The following STARD13 variants were observed in gnomAD, a reference collection of about 807,000 sequenced individuals.
The protein encoded by STARD13 is stAR-related lipid transfer protein 13.
STARD13 carries 62 observed loss-of-function variants against 106.4 expected under a neutral mutation model. That is an observed-to-expected ratio of 0.58 (90% CI 0.48 to 0.72). The LOEUF is 0.72. STARD13 is among the 30% of genes least tolerant of loss of function. The pLI is 0.00. For synonymous variants in STARD13, 565 were observed against 553.0 expected, an observed-to-expected ratio of 1.02 and a Z score of -0.31; for missense variants, 1,387 against 1,424.0, an observed-to-expected ratio of 0.97 and a Z score of 0.42.
At chr13:33,482,562 C>T in the STARD13 span, among the ~76,000 whole-genome samples, 4 of 151,708 alleles carry the variant, frequency 2.6e-5, no homozygotes, top group African/African-American at 4.8e-5. Context: ...GTGTTTCTTC[C>T]GTGTTTAACA....
At chr13:33,387,565 A>G in the STARD13 span, among the ~76,000 whole-genome samples, 3 of 152,104 alleles carry the variant, frequency 2.0e-5, no homozygotes, top group South Asian at 2.1e-4. Context: ...ATTCACTCCA[A>G]TAGGGATGGC....
chr13:33,666,747 C>T, the STARD13 span, among the ~76,000 whole-genome samples: 1 of 151,994 alleles, frequency 6.6e-6, no homozygotes, highest in Non-Finnish European at 1.5e-5. Flanking sequence ...CCCACCACCA[C>T]ACCCGGCTAA....
intron 1 of STARD13, among the ~76,000 whole-genome samples, chr13:33,251,694 G>T (rs1435916903): frequency 6.6e-6 from 1 of 152,216 alleles, no homozygotes; most frequent in Non-Finnish European, 1.5e-5. Flanking sequence ...CTAATTGGCT[G>T]TTTGTGTAAA....
chr13:33,500,885 A>G, the STARD13 span, among the ~76,000 whole-genome samples: 1 of 152,186 alleles, frequency 6.6e-6, no homozygotes, highest in East Asian at 1.9e-4. Context: ...TTCAATTTAA[A>G]CAATGGAGAT....
At chr13:33,519,208 T>TTTC in the STARD13 span, among the ~76,000 whole-genome samples, 347 of 101,502 alleles carry the variant, frequency 3.4e-3, 3 homozygotes, top group African/African-American at 0.015. Context: ...CTTGGTAATT[T>TTTC]TTTCTTTCTT....
At chr13:33,238,746 A>G (rs1457522990) in intron 1 of STARD13, among the ~76,000 whole-genome samples, 2 of 152,144 alleles carry the variant, frequency 1.3e-5, no homozygotes, top group African/African-American at 2.4e-5. Flanking sequence ...AGCAATAATA[A>G]TAGCTAATGT....
the STARD13 span, among the ~76,000 whole-genome samples, chr13:33,578,577 G>A: frequency 6.6e-5 from 10 of 151,908 alleles, no homozygotes; most frequent in Non-Finnish European, 1.5e-5. Flanking sequence ...AAACTCCTTT[G>A]GACCCTGGCC....
rs73468170 is a variant in STARD13 at position 33,285,652 on chromosome 13, C to G, written c.-14G>C. The G allele has an allele frequency of 5.6e-3, 8,967 of 1,611,240 alleles. 257 individuals are homozygous for G. In the African/African-American group the frequency reaches 0.079, roughly 14 times the overall value. On this transcript the variant is annotated 5_prime_UTR_variant, in exon 1 of 14. Transcript: ENST00000336934. ...CTGACTGAACATCTCGGCAGATTTCCTATTGCCACCTCAGTCTGCCTGTGG... is the reference window on the plus strand; with the variant it reads ...CTGACTGAACATCTCGGCAGATTTCGTATTGCCACCTCAGTCTGCCTGTGG...
chr13:33,496,605 T>G, the STARD13 span, among the ~76,000 whole-genome samples: 2 of 152,078 alleles, frequency 1.3e-5, no homozygotes, highest in Non-Finnish European at 2.9e-5. Context: ...ATCACCTGTA[T>G]GCATAGGCAC....
intron 3 of STARD13, among the ~76,000 whole-genome samples, chr13:33,157,543 G>T (rs1431138184): frequency 1.3e-5 from 2 of 152,160 alleles, no homozygotes; most frequent in Non-Finnish European, 2.9e-5. Context: ...GGTGGTTGGT[G>T]CCTGTAATCC....
chr13:33,448,849 T>C, the STARD13 span, among the ~76,000 whole-genome samples: 1 of 152,152 alleles, frequency 6.6e-6, no homozygotes, highest in South Asian at 2.1e-4. Flanking sequence ...ATTAAAAATG[T>C]TGAGCTTTTT....
chr13:33,488,952 C>G, the STARD13 span, among the ~76,000 whole-genome samples: 1 of 152,228 alleles, frequency 6.6e-6, no homozygotes, highest in Non-Finnish European at 1.5e-5. Flanking sequence ...GGTTAACCCT[C>G]AAGTCCCTCA....
the STARD13 span, chr13:33,658,231 T>G: frequency 6.5e-6 from 1 of 153,554 alleles, no homozygotes; most frequent in South Asian, 2.1e-4. Context: ...TTGTAGCATT[T>G]GTCAGAATTT....
At chr13:33,395,318 A>G in the STARD13 span, among the ~76,000 whole-genome samples, 1 of 152,198 alleles carries the variant, frequency 6.6e-6, no homozygotes, top group Non-Finnish European at 1.5e-5. Flanking sequence ...ATGGGCTCAG[A>G]GTGGTCTGAA....
chr13:33,596,212 C>A, the STARD13 span, among the ~76,000 whole-genome samples: 3 of 152,154 alleles, frequency 2.0e-5, no homozygotes, highest in South Asian at 6.2e-4. Context: ...GTTTCAAAGG[C>A]TAATTGTTTG....
At chr13:33,197,529 G>C (rs1375536131) in intron 1 of STARD13, among the ~76,000 whole-genome samples, 1 of 151,256 alleles carries the variant, frequency 6.6e-6, no homozygotes, top group Non-Finnish European at 1.5e-5. Context: ...AAATATTTAC[G>C]CTATCTCATT....
chr13:33,420,083 G>C, the STARD13 span, among the ~76,000 whole-genome samples: 266 of 152,072 alleles, frequency 1.7e-3, 2 homozygotes, highest in African/African-American at 6.2e-3. Context: ...ATCATAATGT[G>C]AATTGAATTC....
intron 1 of STARD13, among the ~76,000 whole-genome samples, chr13:33,170,265 C>T (rs574006689): frequency 7.2e-5 from 11 of 152,162 alleles, no homozygotes; most frequent in Admixed American, 6.5e-4. Context: ...ATCTCATGTA[C>T]CCCATAAATA....
At chr13:33,133,443 T>C (rs1239362127) in intron 4 of STARD13, among the ~76,000 whole-genome samples, 1 of 151,714 alleles carries the variant, frequency 6.6e-6, no homozygotes, top group Non-Finnish European at 1.5e-5. Flanking sequence ...ACCAAAGCAA[T>C]AGAAAGCAAA....
Sources: allele counts gnomAD v4.1 joint callset (sites outside exome capture counted in the v4.1 genomes callset), GRCh38; gene constraint gnomAD v4.1.1; transcripts MANE v1.5; gene names NCBI Gene and HGNC (gene_info 2026-07-23, HGNC 2026-07-21).